The following QNG1 variants were observed in gnomAD, a reference collection of about 807,000 sequenced individuals.
QNG1 encodes the protein queuosine 5'-phosphate N-glycosylase/hydrolase.
the QNG1 span, chr9:83,953,848 G>C: frequency 5.4e-5 from 83 of 1,526,802 alleles, no homozygotes; most frequent in Non-Finnish European, 7.2e-5. Flanking sequence ...AGTACACTGT[G>C]TATGAAAAAG....
chr9:83,951,361 G>T, the QNG1 span, among the ~76,000 whole-genome samples: 1 of 152,204 alleles, frequency 6.6e-6, no homozygotes, highest in Non-Finnish European at 1.5e-5. Context: ...AGGAGTTCGA[G>T]ACCAGCCTGG....
the QNG1 span, among the ~76,000 whole-genome samples, chr9:83,954,322 T>G: frequency 6.6e-6 from 1 of 152,200 alleles, no homozygotes; most frequent in Non-Finnish European, 1.5e-5. Context: ...TCCATGTTTT[T>G]TAGGTTTGAA....
the QNG1 span, among the ~76,000 whole-genome samples, chr9:83,945,844 T>C: frequency 2.6e-5 from 4 of 152,120 alleles, no homozygotes; most frequent in South Asian, 2.1e-4. Context: ...CCTTGTGATC[T>C]GCCCGCTTCG....
chr9:83,947,586 G>A, the QNG1 span, among the ~76,000 whole-genome samples: 4 of 152,330 alleles, frequency 2.6e-5, no homozygotes, highest in Admixed American at 6.5e-5. Context: ...CCGTACTGCC[G>A]CCATCTCGGC....
chr9:83,950,054 T>C, the QNG1 span, among the ~76,000 whole-genome samples: 1 of 149,594 alleles, frequency 6.7e-6, no homozygotes, highest in Non-Finnish European at 1.5e-5. Flanking sequence ...TTCCTATTTT[T>C]TTTTTTTTTT....
chr9:83,939,273 A>T, the QNG1 span: 1 of 429,274 alleles, frequency 2.3e-6, no homozygotes, highest in Non-Finnish European at 4.2e-6. Context: ...GGGTTTCACC[A>T]TGTTGGCCAG....
chr9:83,946,254 G>A, the QNG1 span, among the ~76,000 whole-genome samples: 17 of 151,980 alleles, frequency 1.1e-4, no homozygotes, highest in East Asian at 2.3e-3. Context: ...GCAGTGAGCC[G>A]AGATCGCACC....
the QNG1 span, among the ~76,000 whole-genome samples, chr9:83,948,902 C>G: frequency 6.6e-6 from 1 of 151,968 alleles, no homozygotes; most frequent in Non-Finnish European, 1.5e-5. Flanking sequence ...CAGCATGCTC[C>G]TTAAGAGTCA....
At chr9:83,953,670 T>G in the QNG1 span, 4 of 684,428 alleles carry the variant, frequency 5.8e-6, no homozygotes, top group Admixed American at 3.0e-5. Flanking sequence ...TTTCTTTTAT[T>G]TTTTTGAGAT....
the QNG1 span, chr9:83,938,313 T>G: frequency 6.6e-5 from 10 of 152,126 alleles, no homozygotes; most frequent in African/African-American, 2.4e-4. Context: ...ATTCCAGGTT[T>G]AAGAAAAATT....
chr9:83,955,522 G>A, the QNG1 span: 1 of 1,614,176 alleles, frequency 6.2e-7, no homozygotes. Context: ...CGGTTTCATT[G>A]AGAATCCGAT....
At chr9:83,947,174 T>C in the QNG1 span, among the ~76,000 whole-genome samples, 1 of 152,172 alleles carries the variant, frequency 6.6e-6, no homozygotes, top group Non-Finnish European at 1.5e-5. Context: ...ATACCAATAG[T>C]AATAACCTTA....
the QNG1 span, among the ~76,000 whole-genome samples, chr9:83,953,346 CTT>C: frequency 4.9e-5 from 7 of 143,980 alleles, no homozygotes; most frequent in South Asian, 2.2e-4. Context: ...CAATTGAATT[CTT>C]TTTTTTTTTT....
the QNG1 span, chr9:83,944,723 C>A: frequency 5.2e-5 from 64 of 1,242,052 alleles, no homozygotes; most frequent in South Asian, 7.5e-4. Context: ...CAAAGGAGAC[C>A]TTTTGTAAAA....
At chr9:83,945,060 G>T in the QNG1 span, 2 of 1,207,988 alleles carry the variant, frequency 1.7e-6, no homozygotes, top group Non-Finnish European at 2.3e-6. Context: ...TTTTAAAGGT[G>T]CAGTTGAAAC....
the QNG1 span, among the ~76,000 whole-genome samples, chr9:83,949,563 T>C: frequency 1.3e-5 from 2 of 152,154 alleles, no homozygotes; most frequent in Non-Finnish European, 2.9e-5. Flanking sequence ...GGAGAATCAC[T>C]TGAACCCGGG....
the QNG1 span, chr9:83,945,066 G>T: frequency 8.5e-7 from 1 of 1,175,250 alleles, no homozygotes; most frequent in Non-Finnish European, 1.2e-6. Context: ...AGGTGCAGTT[G>T]AAACATTTTT....
chr9:83,946,286 C>T, the QNG1 span, among the ~76,000 whole-genome samples: 1 of 151,890 alleles, frequency 6.6e-6, no homozygotes, highest in African/African-American at 2.4e-5. Context: ...GCCTGGGCAA[C>T]AGAGCAAGGC....
chr9:83,955,399 T>G, the QNG1 span: 3 of 1,613,908 alleles, frequency 1.9e-6, no homozygotes, highest in Non-Finnish European at 2.5e-6. Flanking sequence ...GAGTCACATC[T>G]CTGTAAGAAG....
Sources: gnomAD v4.1 joint callset for allele counts (sites outside exome capture counted in the v4.1 genomes callset) on GRCh38, gnomAD v4.1.1 for gene constraint, MANE v1.5 for transcripts, NCBI Gene and HGNC (gene_info 2026-07-23, HGNC 2026-07-21) for gene names.